The following CTNNA2 variants were observed in gnomAD, a reference collection of about 807,000 sequenced individuals.
CTNNA2 encodes the protein catenin alpha 2, also known as catenin alpha-2.
CTNNA2 carries 42 observed loss-of-function variants against 101.0 expected under a neutral mutation model. That is an observed-to-expected ratio of 0.42 (90% CI 0.32 to 0.54). CTNNA2 has a LOEUF of 0.54. CTNNA2 is among the 20% of genes least tolerant of loss of function. CTNNA2 has a pLI of 0.14. For missense variants in CTNNA2, 871 were observed against 1,223.1 expected (o/e 0.71, Z 4.29); for synonymous variants, 450 against 456.4 (o/e 0.99, Z 0.18).
chr2:79,984,905 A>G (rs1394155765), intron 7 of CTNNA2, among the ~76,000 whole-genome samples: 7 of 152,218 alleles, frequency 4.6e-5, no homozygotes, highest in Non-Finnish European at 1.0e-4. Context: ...GGCAAACAAT[A>G]GCCACAGGCC....
chr2:79,506,244 T>C (rs1406145096), intron 5 of CTNNA2, among the ~76,000 whole-genome samples: 1 of 152,168 alleles, frequency 6.6e-6, no homozygotes, highest in Non-Finnish European at 1.5e-5. Flanking sequence ...AAAACTTTGT[T>C]CGATGGAACA....
chr2:79,786,815 C>T (rs1674883752), intron 3 of CTNNA2, among the ~76,000 whole-genome samples: 1 of 152,150 alleles, frequency 6.6e-6, no homozygotes, highest in South Asian at 2.1e-4. Flanking sequence ...CAGGATTTCT[C>T]AACCTGACAA....
At chr2:79,865,202 A>G (rs1367259433) in intron 4 of CTNNA2, among the ~76,000 whole-genome samples, 1 of 152,190 alleles carries the variant, frequency 6.6e-6, no homozygotes, top group Non-Finnish European at 1.5e-5. Context: ...AAGGAAAGAC[A>G]CAATTTAATC....
Position 80,054,061 on chromosome 2 carries a change from C to CA in CTNNA2, c.1056+144264_1056+144265insA, listed in dbSNP as rs576294633. Among the ~76,000 whole-genome samples the CA allele has an allele frequency of 5.9e-5, 9 of 152,334 alleles. No individual in the cohort carries two copies. In the East Asian group the frequency reaches 1.7e-3, roughly 29 times the overall value. On this transcript the variant is annotated intron_variant, in intron 7 of 18. Transcript: ENST00000402739. ...CAGTGCTCTGCAAAGCTTTGCCCCC[C>CA]TTGTGGCTGCAAACTAGAGGCATAA...
intron 4 of CTNNA2, among the ~76,000 whole-genome samples, chr2:79,492,307 G>C (rs760975946): frequency 6.6e-5 from 10 of 151,392 alleles, no homozygotes; most frequent in Non-Finnish European, 1.3e-4. Context: ...TTAGAGTGTT[G>C]GATCACCTAA....
chr2:79,600,032 A>G (rs1384067291), intron 1 of CTNNA2, among the ~76,000 whole-genome samples: 4 of 152,226 alleles, frequency 2.6e-5, no homozygotes, highest in Non-Finnish European at 5.9e-5. Context: ...AAGACAGATT[A>G]GGCTAATTTT....
chr2:79,773,262 G>A (rs1305205488), intron 3 of CTNNA2, among the ~76,000 whole-genome samples: 7 of 152,158 alleles, frequency 4.6e-5, no homozygotes, highest in Non-Finnish European at 7.3e-5. Context: ...AAATGACGAG[G>A]TAAGTCTCAA....
intron 2 of CTNNA2, among the ~76,000 whole-genome samples, chr2:79,311,927 G>A (rs1676384315): frequency 6.6e-6 from 1 of 152,150 alleles, no homozygotes; most frequent in Non-Finnish European, 1.5e-5. Context: ...ATTTGAAACA[G>A]AGTCTTCCTC....
chr2:79,775,685 T>C (rs1460328078), intron 3 of CTNNA2, among the ~76,000 whole-genome samples: 1 of 152,162 alleles, frequency 6.6e-6, no homozygotes, highest in African/African-American at 2.4e-5. Flanking sequence ...TATGGGAACA[T>C]TAGGCCATTT....
intron 1 of CTNNA2, among the ~76,000 whole-genome samples, chr2:79,545,636 AT>A (rs1242321206): frequency 3.3e-5 from 5 of 152,194 alleles, no homozygotes; most frequent in Admixed American, 6.5e-5. Context: ...TTTAAAAAAA[AT>A]ATTATTCAAA....
chr2:80,199,876 C>T (rs1388160747), intron 7 of CTNNA2, among the ~76,000 whole-genome samples: 3 of 152,154 alleles, frequency 2.0e-5, no homozygotes, highest in Non-Finnish European at 4.4e-5. Context: ...TAAAGTGGAA[C>T]CAGGAATTGT....
At chr2:79,371,348 C>T (rs1331308996) in intron 3 of CTNNA2, among the ~76,000 whole-genome samples, 4 of 151,944 alleles carry the variant, frequency 2.6e-5, no homozygotes, top group East Asian at 1.9e-4. Flanking sequence ...CGCAGGGACA[C>T]AGCTTGAGTG....
intron 7 of CTNNA2, among the ~76,000 whole-genome samples, chr2:80,207,027 C>A (rs1707575611): frequency 6.6e-6 from 1 of 152,132 alleles, no homozygotes; most frequent in African/African-American, 2.4e-5. Flanking sequence ...CCATCGTATT[C>A]ATTTCTGGTT....
At chr2:80,470,123 AT>A (rs1199617821) in intron 9 of CTNNA2, among the ~76,000 whole-genome samples, 45 of 152,310 alleles carry the variant, frequency 3.0e-4, no homozygotes, top group Admixed American at 6.5e-4. Flanking sequence ...ATCCAGTGCC[AT>A]TTAGACATAG....
intron 4 of CTNNA2, among the ~76,000 whole-genome samples, chr2:79,389,866 A>G (rs1678153126): frequency 6.6e-6 from 1 of 152,308 alleles, no homozygotes. Context: ...TATGCCTTCT[A>G]TTACTACACA....
chr2:80,121,814 G>A (rs759009145), intron 7 of CTNNA2, among the ~76,000 whole-genome samples: 1 of 152,100 alleles, frequency 6.6e-6, no homozygotes, highest in South Asian at 2.1e-4. Flanking sequence ...TCCATTATAT[G>A]GTAAACCTGG....
chr2:79,287,985 T>C (rs1332906292), intron 2 of CTNNA2, among the ~76,000 whole-genome samples: 1 of 152,232 alleles, frequency 6.6e-6, no homozygotes, highest in Non-Finnish European at 1.5e-5. Context: ...AAAAGCGCAG[T>C]ATCAGGTGGG....
chr2:80,010,254 C>A (rs1243069271), intron 7 of CTNNA2, among the ~76,000 whole-genome samples: 3 of 152,158 alleles, frequency 2.0e-5, no homozygotes, highest in Admixed American at 6.5e-5. Context: ...AAGACTGAGA[C>A]AGAACTCAAG....
At position 79,290,787 on chromosome 2, in the gene CTNNA2, A is replaced by T. The variant is rs184986965; in HGVS notation, c.-405-21922A>T. Reference sequence around the variant, plus strand: ...ATCTGCTGAGGGCTTTTTCCACTCAATAAAACCTTGCACTTATTCTCCAAG... The same window carrying T: ...ATCTGCTGAGGGCTTTTTCCACTCATTAAAACCTTGCACTTATTCTCCAAG... On this transcript the variant is annotated intron_variant, in intron 2 of 21. Coordinates refer to the CTNNA2 transcript ENST00000466387. Among the ~76,000 whole-genome samples, 38 of 152,254 alleles carry T rather than the reference A, an allele frequency of 2.5e-4. 2 individuals are homozygous for T. The East Asian group carries it at 5.8e-3, about 23-fold the overall frequency.
Sources: allele counts gnomAD v4.1 joint callset (sites outside exome capture counted in the v4.1 genomes callset), GRCh38; gene constraint gnomAD v4.1.1; transcripts MANE v1.5; gene names NCBI Gene and HGNC (gene_info 2026-07-23, HGNC 2026-07-21).